The following ABCC11 variants were observed in gnomAD, a reference collection of about 807,000 sequenced individuals.
ABCC11 encodes the protein ATP-binding cassette sub-family C member 11.
Under a neutral mutation model 149.3 loss-of-function variants are expected in ABCC11, and 135 were observed. The observed-to-expected ratio is 0.90, with a 90% CI of 0.79 to 1.04. The LOEUF is 1.04. ABCC11 is among the 50% of genes least tolerant of loss of function. The pLI, the probability that ABCC11 is intolerant of heterozygous loss-of-function variation, is 0.00. For missense variants in ABCC11, 1,680 were observed against 1,722.1 expected (o/e 0.98, Z 0.43); for synonymous variants, 665 against 671.4 (o/e 0.99, Z 0.15).
chr16:48,236,092 G>A (rs1320874535), intron 1 of ABCC11, among the ~76,000 whole-genome samples: 1 of 152,142 alleles, frequency 6.6e-6, no homozygotes, highest in Non-Finnish European at 1.5e-5. Context: ...TACTCCTCCT[G>A]TACCTCGCCC....
intron 1 of ABCC11, among the ~76,000 whole-genome samples, chr16:48,242,068 T>C (rs1970994569): frequency 6.6e-6 from 1 of 152,170 alleles, no homozygotes; most frequent in Non-Finnish European, 1.5e-5. Flanking sequence ...ACTAAAGAGC[T>C]TCTGCACAGC....
intron 1 of ABCC11, among the ~76,000 whole-genome samples, chr16:48,243,401 CAAAAAAAAAAAA>C (rs541776018): frequency 1.4e-5 from 1 of 72,842 alleles, no homozygotes; most frequent in African/African-American, 4.6e-5. Flanking sequence ...GACTCCGTCT[CAAAAAAAAAAAA>C]AAAAAAAAAA....
At chr16:48,217,504 G>A (rs889189771) in intron 6 of ABCC11, among the ~76,000 whole-genome samples, 7 of 152,188 alleles carry the variant, frequency 4.6e-5, no homozygotes, top group Admixed American at 2.0e-4. Flanking sequence ...GCTGAGGCGG[G>A]AGGATTACTT....
chr16:48,219,223 T>G (rs13338757), intron 6 of ABCC11, among the ~76,000 whole-genome samples: 30,549 of 150,134 alleles, frequency 0.2, 3,755 homozygotes, highest in African/African-American at 0.34. Flanking sequence ...AGGCTGGGGT[T>G]CAGTGGTACA....
chr16:48,221,306 A>T (rs1314929017), intron 6 of ABCC11, among the ~76,000 whole-genome samples: 1 of 152,158 alleles, frequency 6.6e-6, no homozygotes, highest in East Asian at 1.9e-4. Context: ...GTAACCCACA[A>T]CCCTCGAGGC....
chr16:48,222,864 C>T (rs1252018894), intron 5 of ABCC11, 33 bp from the exon 6 acceptor site: 3 of 1,543,416 alleles, frequency 1.9e-6, no homozygotes, highest in African/African-American at 2.7e-5. Context: ...ATCATTCAGA[C>T]CACCCTGCCA....
Position 48,170,173 on chromosome 16 carries a change from C to T in ABCC11, c.3823G>A (p.Gly1275Ser), listed in dbSNP as rs148715549. The change falls in exon 28 of 30, where the codon GGT becomes AGT. Residue 1275 changes from glycine (G) to serine (S), a missense_variant. Gly to Ser is a moderately conservative substitution (Grantham distance 56). Transcript: ENST00000356608. ...KKLHTDVVEN[G>S]GNFSVGERQL... The stretch of plus-strand genomic sequence containing the variant: ...CTCTCCCCCACAGAGAAGTTTCCAC[C>T]GTTTTCCACCACATCTGTATGCAGC... 5.1e-5 allele frequency: 83 copies of T among 1,614,120 alleles called. No homozygotes were observed. The African/African-American group carries it at 6.4e-4, about 12-fold the overall frequency.
intron 1 of ABCC11, chr16:48,232,233 C>A (rs1048636828): frequency 1.3e-4 from 37 of 278,720 alleles, no homozygotes; most frequent in African/African-American, 8.2e-4. Context: ...ATGTATCAAA[C>A]CCCTGCTCAT....
intron 1 of ABCC11, among the ~76,000 whole-genome samples, chr16:48,242,030 C>T (rs1463823134): frequency 6.6e-6 from 1 of 152,206 alleles, no homozygotes; most frequent in East Asian, 1.9e-4. Context: ...GCAACAAAAG[C>T]CAAAATTGAC....
rs1366385589 is a variant in ABCC11, at chr16:48,198,026, C to T, written c.2259G>A (p.Lys753=). 5.0e-6 allele frequency: 8 copies of T among 1,614,208 alleles called. No individual in the cohort carries two copies. The highest frequency in any genetic ancestry group is 6.8e-6 in the Non-Finnish European group (8 of 1,180,038). ...AGGTGGCCAGAGCCTGACTTTCTAC[C>T]TTTGGCTTCTCTGCTATCTTTGCTG... ...QDTAKIAEKP[K]VESQALATSL... The change falls in exon 17 of 30, where the codon AAG becomes AAA. Residue 753 remains lysine, a synonymous_variant. Transcript: ENST00000356608.
Position 48,222,674 on chromosome 16 carries a change from A to C in ABCC11, c.701T>G (p.Phe234Cys). Reference protein sequence around the residue: ...WIINQRTAIRFRAAVSSFAFE... With the variant: ...WIINQRTAIRCRAAVSSFAFE... The stretch of plus-strand genomic sequence containing the variant: ...GGCAAAGGAGGAAACAGCTGCTCGG[A>C]ACCTGATGGCTGTGCGTTGGTTGAT... Residue 234 changes from phenylalanine (F) to cysteine (C), a missense_variant, in exon 6 of 30, where the codon TTC becomes TGC. By Grantham distance (205) the Phe-to-Cys change is radical. Transcript: ENST00000356608. The C allele has an allele frequency of 6.2e-7, 1 of 1,614,196 alleles. No homozygotes were observed. Among genetic ancestry groups the C allele is most frequent in the Non-Finnish European group, 8.5e-7 (1 of 1,180,036 alleles).
intron 7 of ABCC11, 76 bp downstream of exon 7, chr16:48,216,038 T>C: frequency 6.8e-7 from 1 of 1,465,802 alleles, no homozygotes; most frequent in East Asian, 2.3e-5. Flanking sequence ...ATGTTCTCAC[T>C]CAGAGCTATC....
At chr16:48,175,739 A>C (rs1251812788) in intron 25 of ABCC11, among the ~76,000 whole-genome samples, 1 of 152,170 alleles carries the variant, frequency 6.6e-6, no homozygotes, top group Non-Finnish European at 1.5e-5. Flanking sequence ...CCTAGATATA[A>C]AAGTTCAAAT....
At chr16:48,190,009 C>T (rs972870982) in intron 20 of ABCC11, among the ~76,000 whole-genome samples, 2 of 152,184 alleles carry the variant, frequency 1.3e-5, no homozygotes, top group African/African-American at 4.8e-5. Context: ...GTCTCCTGGT[C>T]TTGAGCTGGC....
rs769057665 is a variant in ABCC11, at chr16:48,216,323, CT to C, written c.778-37del. 1.6e-5 allele frequency: 26 copies of C among 1,597,982 alleles called. No individual in the cohort carries two copies. In the Middle Eastern group the frequency reaches 8.8e-4, roughly 54 times the overall value. ...GCAAGTTGATGGGCACAGATGTCAC[CT>C]CCCTGGGTACACAGAAGGGGTGGCA... On this transcript the variant is annotated intron_variant, in intron 6 of 29. Coordinates refer to ENST00000356608, the MANE Select transcript of ABCC11 (RefSeq NM_001370497.1).
intron 26 of ABCC11, among the ~76,000 whole-genome samples, chr16:48,173,916 T>C (rs146375762): frequency 6.5e-4 from 99 of 152,278 alleles, no homozygotes; most frequent in African/African-American, 2.2e-3. Context: ...TGAACTACCA[T>C]GCCCCACCTC....
chr16:48,212,065 T>C (rs13336264), intron 10 of ABCC11, among the ~76,000 whole-genome samples: 26,141 of 152,052 alleles, frequency 0.17, 2,467 homozygotes, highest in Middle Eastern at 0.28. Context: ...AATGAATGGG[T>C]GAACCCAGTG....
At chr16:48,229,811 C>T (rs1970317042) in intron 3 of ABCC11, among the ~76,000 whole-genome samples, 1 of 152,158 alleles carries the variant, frequency 6.6e-6, no homozygotes, top group Non-Finnish European at 1.5e-5. Flanking sequence ...GATCCGCTTG[C>T]CTCTGCAGCC....
At chr16:48,206,166 C>G (rs1227076322) in intron 12 of ABCC11, among the ~76,000 whole-genome samples, 1 of 152,176 alleles carries the variant, frequency 6.6e-6, no homozygotes, top group African/African-American at 2.4e-5. Context: ...ACCATGCACA[C>G]CAAAAGTTCC....
Sources: allele counts gnomAD v4.1 joint callset (sites outside exome capture counted in the v4.1 genomes callset), GRCh38; gene constraint gnomAD v4.1.1; transcripts MANE v1.5; gene names NCBI Gene and HGNC (gene_info 2026-07-23, HGNC 2026-07-21).